The following PDZD2 variants were observed in gnomAD, a reference collection of about 807,000 sequenced individuals.
PDZD2 encodes the protein PDZ domain-containing protein 2.
In PDZD2, 90 loss-of-function variants were observed where a neutral mutation model predicts 220.7. The observed-to-expected ratio is 0.41, with a 90% CI of 0.34 to 0.49. The LOEUF is 0.49. Among genes scored for constraint, PDZD2 ranks in the 20% least tolerant of loss-of-function variants. The pLI is 0.28. For synonymous variants in PDZD2, 1,375 were observed against 1,450.5 expected, an observed-to-expected ratio of 0.95 and a Z score of 1.18; for missense variants, 3,174 against 3,608.5, an observed-to-expected ratio of 0.88 and a Z score of 3.08.
intron 1 of PDZD2, among the ~76,000 whole-genome samples, chr5:31,677,279 G>A (rs1025749972): frequency 6.6e-6 from 1 of 152,120 alleles, no homozygotes; most frequent in Non-Finnish European, 1.5e-5. Context: ...AACCATTCGA[G>A]AGTGAGACCC....
intron 2 of PDZD2, among the ~76,000 whole-genome samples, chr5:31,862,978 C>G (rs899163519): frequency 6.6e-6 from 1 of 152,210 alleles, no homozygotes; most frequent in Non-Finnish European, 1.5e-5. Flanking sequence ...CTGCCTGCCT[C>G]GGCCTCCCAA....
At chr5:31,775,626 G>A (rs1295661698) in intron 1 of PDZD2, among the ~76,000 whole-genome samples, 1 of 151,768 alleles carries the variant, frequency 6.6e-6, no homozygotes, top group African/African-American at 2.4e-5. Flanking sequence ...TTGGGAAATT[G>A]GAAGGGGAAG....
At chr5:31,820,949 T>A (rs1755800515) in intron 2 of PDZD2, among the ~76,000 whole-genome samples, 1 of 152,086 alleles carries the variant, frequency 6.6e-6, no homozygotes, top group African/African-American at 2.4e-5. Flanking sequence ...TTACTTGTCA[T>A]CTAAACAATC....
intron 2 of PDZD2, among the ~76,000 whole-genome samples, chr5:31,831,460 A>G (rs201084647): frequency 2.0e-5 from 3 of 151,688 alleles, no homozygotes; most frequent in East Asian, 3.9e-4. Context: ...CTAAAAATAC[A>G]AAAATTGGCC....
At chr5:31,937,239 A>G (rs904280784) in intron 2 of PDZD2, among the ~76,000 whole-genome samples, 11 of 152,148 alleles carry the variant, frequency 7.2e-5, no homozygotes, top group Admixed American at 5.9e-4. Context: ...ATGATCTGAC[A>G]TGTTTTCCCT....
chr5:32,007,975 T>C (rs1220180296), intron 5 of PDZD2, among the ~76,000 whole-genome samples: 1 of 152,114 alleles, frequency 6.6e-6, no homozygotes. Context: ...GTGTTGGCGA[T>C]GCCCCTTCAG....
At chr5:31,707,165 A>T (rs1303833881) in intron 1 of PDZD2, among the ~76,000 whole-genome samples, 3 of 30,234 alleles carry the variant, frequency 9.9e-5, no homozygotes, top group African/African-American at 1.4e-4. Context: ...GGGTGGGGGG[A>T]GGGGGGAGGG....
rs1259471328 is a variant in PDZD2 at position 32,098,331 on chromosome 5, G to T, written c.7948-33G>T. ...TTTACCGGAAATCGTAAGTGGATCT[G>T]GTTTTTGTTCCCTTTTCCTTTCCTC... On this transcript the variant is annotated intron_variant, in intron 22 of 24. Coordinates refer to ENST00000438447, the MANE Select transcript of PDZD2 (RefSeq NM_178140.4). The surrounding 1 kb of genome is among the most constrained non-coding windows in gnomAD (Gnocchi z 4.1). The T allele has an allele frequency of 1.2e-6, 2 of 1,603,588 alleles. No homozygotes were observed. The highest frequency in any genetic ancestry group is 1.7e-5 in the Admixed American group (1 of 58,608).
At chr5:32,054,930 T>A (rs1266605442) in intron 10 of PDZD2, among the ~76,000 whole-genome samples, 1 of 152,220 alleles carries the variant, frequency 6.6e-6, no homozygotes, top group East Asian at 1.9e-4. Flanking sequence ...TGTCCCATCC[T>A]TAGTAAAGAG....
Position 32,074,189 on chromosome 5 carries a change from A to G in PDZD2, c.3083A>G (p.Lys1028Arg). 6.2e-7 allele frequency: 1 copy of G among 1,614,196 alleles called. No individual in the cohort carries two copies. The highest frequency in any genetic ancestry group is 8.5e-7 in the Non-Finnish European group (1 of 1,180,032). Residue 1028 changes from lysine to arginine, a missense_variant, in exon 18 of 25, where the codon AAG becomes AGG. Coordinates refer to ENST00000438447, the MANE Select transcript of PDZD2 (RefSeq NM_178140.4). ...EERPRKTLVS[K>R]AISAPLLGSS... is the part of the protein sequence containing the mutation. ...CGACCCCGGAAAACACTGGTGAGCAAGGCCATCTCGGCACCTCTTCTTGGT... is the reference window on the plus strand; with the variant it reads ...CGACCCCGGAAAACACTGGTGAGCAGGGCCATCTCGGCACCTCTTCTTGGT...
Position 32,000,041 on chromosome 5 carries a change from C to T in PDZD2, c.1122-98C>T. 1 of 1,027,968 alleles carries T rather than the reference C, an allele frequency of 9.7e-7. No individual in the cohort carries two copies. Among genetic ancestry groups the T allele is most frequent in the Non-Finnish European group, 1.5e-6 (1 of 682,438 alleles). The allele number at this position is 1,027,968 out of a possible 1,614,324, so 63.7% of individuals were successfully genotyped here. A position where few individuals can be genotyped will look rare whatever the true frequency, so the allele number is the denominator to read the frequency against. On this transcript the variant is annotated intron_variant, in intron 4 of 24. Coordinates refer to ENST00000438447, the MANE Select transcript of PDZD2 (RefSeq NM_178140.4). This position sits in a 1 kb window ranked among gnomAD's most constrained non-coding sequence, Gnocchi z 4.5. ...AGTATCCTCTTTAGCCCAATCTTAA[C>T]CGTCCCTCCTCACAACCCTCCCTAG...
chr5:31,999,280 GT>G (rs60415381), intron 4 of PDZD2, among the ~76,000 whole-genome samples: 71,177 of 127,416 alleles, frequency 0.56, 20,713 homozygotes, highest in Non-Finnish European at 0.67. Context: ...GGCGGGATTT[GT>G]TTTTTTTTTT....
chr5:32,023,990 A>T (rs536641904), intron 6 of PDZD2, among the ~76,000 whole-genome samples: 1 of 152,298 alleles, frequency 6.6e-6, no homozygotes, highest in Admixed American at 6.5e-5. Flanking sequence ...CACCATCTAC[A>T]CTACCTGCCC....
chr5:32,105,763 T>A (rs1433416233), intron 24 of PDZD2, among the ~76,000 whole-genome samples: 1 of 152,354 alleles, frequency 6.6e-6, no homozygotes, highest in East Asian at 1.9e-4. Context: ...AGGACAATTT[T>A]AAAAAATCTA....
At chr5:31,711,059 G>A (rs977920259) in intron 1 of PDZD2, among the ~76,000 whole-genome samples, 1 of 152,196 alleles carries the variant, frequency 6.6e-6, no homozygotes, top group Non-Finnish European at 1.5e-5. Context: ...CTTCCCAGCT[G>A]CCGAGTCTCT....
intron 14 of PDZD2, among the ~76,000 whole-genome samples, chr5:32,069,286 T>C (rs75133914): frequency 6.8e-6 from 1 of 146,390 alleles, no homozygotes; most frequent in African/African-American, 2.6e-5. Context: ...AAAAAAAAAT[T>C]GAAGTGAGTT....
intron 1 of PDZD2, among the ~76,000 whole-genome samples, chr5:31,778,781 G>C (rs1446125201): frequency 6.6e-6 from 1 of 152,130 alleles, no homozygotes; most frequent in African/African-American, 2.4e-5. Flanking sequence ...ACCGCACCCA[G>C]CCACATGGTG....
chr5:31,896,979 T>C (rs1406004281), intron 2 of PDZD2, among the ~76,000 whole-genome samples: 1 of 152,146 alleles, frequency 6.6e-6, no homozygotes, highest in African/African-American at 2.4e-5. Flanking sequence ...AAACTTCTTT[T>C]ATAGCAATAC....
At chr5:31,863,103 C>T (rs62361594) in intron 2 of PDZD2, among the ~76,000 whole-genome samples, 6,373 of 152,230 alleles carry the variant, frequency 0.042, 158 homozygotes, top group Non-Finnish European at 0.054. Context: ...AGGCTGGTCT[C>T]GAACTCCTGA....
Sources: allele counts gnomAD v4.1 joint callset (sites outside exome capture counted in the v4.1 genomes callset), GRCh38; gene constraint gnomAD v4.1.1; non-coding constraint Gnocchi (gnomAD v3.1); transcripts MANE v1.5; gene names NCBI Gene and HGNC (gene_info 2026-07-23, HGNC 2026-07-21).